UBXN2B: variants seen among roughly 807,000 people sequenced by gnomAD.
UBXN2B encodes UBX domain-containing protein 2B.
UBXN2B carries 19 observed loss-of-function variants against 37.5 expected under a neutral mutation model. The observed-to-expected ratio is 0.51, with a 90% CI of 0.35 to 0.74. The LOEUF is 0.74. UBXN2B is among the 30% of genes least tolerant of loss of function. The pLI is 0.01. For synonymous variants in UBXN2B, 145 were observed against 143.8 expected, an observed-to-expected ratio of 1.01 and a Z score of -0.06; for missense variants, 370 against 393.2, an observed-to-expected ratio of 0.94 and a Z score of 0.50.
intron 1 of UBXN2B, among the ~76,000 whole-genome samples, chr8:58,412,315 G>A (rs1299899660): frequency 6.6e-6 from 1 of 152,222 alleles, no homozygotes; most frequent in Non-Finnish European, 1.5e-5. Flanking sequence ...TGCGAATGTG[G>A]AAATAAGGAC....
chr8:58,443,395 T>A (rs1808596353), intron 6 of UBXN2B, among the ~76,000 whole-genome samples: 1 of 152,116 alleles, frequency 6.6e-6, no homozygotes, highest in African/African-American at 2.4e-5. Flanking sequence ...TCTTAAAAAA[T>A]TTTCTTTTTA....
intron 2 of UBXN2B, among the ~76,000 whole-genome samples, chr8:58,418,554 G>T (rs531697859): frequency 2.6e-5 from 4 of 152,038 alleles, no homozygotes; most frequent in Admixed American, 6.6e-5. Flanking sequence ...ATTTTTATTA[G>T]AATTTTTGTC....
chr8:58,449,640 AAGG>A lies in UBXN2B; in HGVS notation c.*2092_*2094del, dbSNP rs1419320725. 3 of 152,240 alleles carry A rather than the reference AAGG, an allele frequency of 2.0e-5. No homozygotes were observed. Among genetic ancestry groups the A allele is most frequent in the East Asian group, 3.8e-4 (2 of 5,198 alleles). 9.4% of individuals were successfully genotyped at this position (152,240 alleles called of 1,614,324 possible). A position where few individuals can be genotyped will look rare whatever the true frequency, so the allele number is the denominator to read the frequency against. On this transcript the variant is annotated 3_prime_UTR_variant, in exon 8 of 8. Transcript: ENST00000399598. ...TTCAAAAAGCAGAAACAGATGGAAA[AAGG>A]AGCCATCAGCACCAATCAATTTACA...
intron 5 of UBXN2B, among the ~76,000 whole-genome samples, chr8:58,436,078 A>G (rs957931738): frequency 2.6e-5 from 4 of 152,228 alleles, no homozygotes; most frequent in African/African-American, 9.6e-5. Context: ...ATGACCACAC[A>G]GCACACCTAA....
intron 6 of UBXN2B, among the ~76,000 whole-genome samples, chr8:58,440,586 T>C (rs182961007): frequency 3.3e-4 from 51 of 152,318 alleles, no homozygotes; most frequent in African/African-American, 1.2e-3. Context: ...ATTTAAAATA[T>C]GTTGGTAAAA....
chr8:58,426,585 C>G (rs1808098289), intron 2 of UBXN2B: 1 of 752,464 alleles, frequency 1.3e-6, no homozygotes, highest in South Asian at 1.3e-5. Flanking sequence ...GTTACTTTTA[C>G]TAGGCCTTGC....
chr8:58,424,238 A>C (rs1808012635), intron 2 of UBXN2B, among the ~76,000 whole-genome samples: 1 of 152,054 alleles, frequency 6.6e-6, no homozygotes, highest in African/African-American at 2.4e-5. Context: ...AAGAAAAAAA[A>C]AAAAAAGCCT....
chr8:58,416,945 A>C lies in UBXN2B; in HGVS notation c.180A>C (p.Pro60=). The C allele has an allele frequency of 6.3e-7, 1 of 1,595,308 alleles. No individual in the cohort carries two copies. The highest frequency in any genetic ancestry group is 1.1e-5 in the South Asian group (1 of 87,876). Residue 60 remains proline, a synonymous_variant, in exon 2 of 8, where the codon CCA becomes CCC. Coordinates refer to ENST00000399598, the MANE Select transcript of UBXN2B (RefSeq NM_001077619.2). ...KATVFKSPRT[P]PQRFYSSEHE... ...CAGTCTTCAAGAGCCCACGGACACC[A>C]CCTCAACGGTAAGTTTTATTTTGTT...
intron 5 of UBXN2B, among the ~76,000 whole-genome samples, chr8:58,435,698 A>T (rs758593081): frequency 2.6e-5 from 4 of 152,256 alleles, no homozygotes; most frequent in Non-Finnish European, 5.9e-5. Flanking sequence ...TTGTTAAATG[A>T]AAATAAACCA....
chr8:58,427,231 G>A (rs1808124797), intron 2 of UBXN2B, among the ~76,000 whole-genome samples: 1 of 152,216 alleles, frequency 6.6e-6, no homozygotes, highest in Admixed American at 6.5e-5. Flanking sequence ...CACTTTGGGA[G>A]GCTGAAGCAT....
intron 5 of UBXN2B, chr8:58,434,732 C>G: frequency 7.0e-7 from 1 of 1,431,936 alleles, no homozygotes; most frequent in Non-Finnish European, 9.3e-7. Flanking sequence ...GGACATTGGC[C>G]CATTTTAAAA....
At chr8:58,430,831 G>T (rs891517029) in intron 3 of UBXN2B, among the ~76,000 whole-genome samples, 162 bp downstream of exon 3, 1 of 152,026 alleles carries the variant, frequency 6.6e-6, no homozygotes, top group Non-Finnish European at 1.5e-5. Flanking sequence ...ATTGAAAGTT[G>T]AGACAATTTC....
intron 5 of UBXN2B, chr8:58,434,872 C>T (rs868509344): frequency 6.5e-7 from 1 of 1,535,606 alleles, no homozygotes; most frequent in Non-Finnish European, 8.7e-7. Flanking sequence ...ACTCTCATTG[C>T]ATGTATGCCT....
intron 5 of UBXN2B, among the ~76,000 whole-genome samples, chr8:58,436,624 G>A (rs918756430): frequency 1.9e-4 from 29 of 152,300 alleles, no homozygotes; most frequent in African/African-American, 6.7e-4. Context: ...TTTGGATCAT[G>A]GGGTGGATCC....
At chr8:58,411,718 A>C (rs1402372158) in intron 1 of UBXN2B, among the ~76,000 whole-genome samples, 1 of 152,200 alleles carries the variant, frequency 6.6e-6, no homozygotes. Context: ...AAAAATAGCT[A>C]TTCGTTTAGA....
rs1168717667 is a variant in UBXN2B, at chr8:58,433,184, T to C, written c.364T>C (p.Leu122=). The C allele has an allele frequency of 1.2e-6, 2 of 1,612,830 alleles. No individual in the cohort carries two copies. The highest frequency in any genetic ancestry group is 1.7e-6 in the Non-Finnish European group (2 of 1,179,326). ...GTCATTTACAGGTGGAGGATACAGA[T>C]TGGGTAGTTCTTTTTGTAAGCGGTC... ...SKSFTGGGYR[L]GSSFCKRSEY... The change falls in exon 4 of 8, where the codon TTG becomes CTG. Residue 122 remains leucine (L), a synonymous_variant. Transcript: ENST00000399598.
intron 2 of UBXN2B, chr8:58,424,687 CGGGG>C: frequency 1.9e-6 from 2 of 1,066,526 alleles, no homozygotes; most frequent in Non-Finnish European, 2.7e-6. Flanking sequence ...GAGTACAAGG[CGGGG>C]GGGGGGGCTC....
chr8:58,415,840 G>A (rs555945709), intron 1 of UBXN2B, among the ~76,000 whole-genome samples: 18 of 151,962 alleles, frequency 1.2e-4, no homozygotes, highest in Middle Eastern at 3.2e-3. Flanking sequence ...TACTGAATGT[G>A]GGAGGGTAGG....
chr8:58,427,250 G>A (rs1193097864), intron 2 of UBXN2B, among the ~76,000 whole-genome samples: 1 of 152,094 alleles, frequency 6.6e-6, no homozygotes, highest in Non-Finnish European at 1.5e-5. Context: ...ATTGCAGATC[G>A]CTTGAGCTCA....
Sources: gnomAD v4.1 joint callset for allele counts (sites outside exome capture counted in the v4.1 genomes callset) on GRCh38, gnomAD v4.1.1 for gene constraint, MANE v1.5 for transcripts, NCBI Gene and HGNC (gene_info 2026-07-23, HGNC 2026-07-21) for gene names.